The following MAP1LC3B2 variants were observed in gnomAD, a reference collection of about 807,000 sequenced individuals.
The protein encoded by MAP1LC3B2 is microtubule-associated protein 1 light chain 3 beta 2.
For synonymous variants in MAP1LC3B2, 62 were observed against 57.8 expected, an observed-to-expected ratio of 1.07 and a Z score of -0.33; for missense variants, 155 against 154.6, an observed-to-expected ratio of 1.00 and a Z score of -0.01.
At position 116,570,197 on chromosome 12, in the gene MAP1LC3B2, C is replaced by T. The variant is rs543018936; in HGVS notation, c.-101-5645C>T. 2.1e-3 allele frequency among the ~76,000 whole-genome samples: 326 copies of T among 152,248 alleles called. 3 individuals are homozygous for T. The highest frequency in any genetic ancestry group is 0.01 in the Middle Eastern group (3 of 294). On this transcript the variant is annotated intron_variant, in intron 1 of 1. Transcript: ENST00000556529. Reference sequence around the variant, plus strand: ...TTCACAGGGTTGCATACAGATGATCCTCAATTTACAATGGCTCAACTTATA... The same window carrying T: ...TTCACAGGGTTGCATACAGATGATCTTCAATTTACAATGGCTCAACTTATA...
intron 1 of MAP1LC3B2, among the ~76,000 whole-genome samples, chr12:116,566,181 G>C (rs183990409): frequency 7.9e-5 from 12 of 152,310 alleles, no homozygotes; most frequent in African/African-American, 2.9e-4. Flanking sequence ...CTTGCTTGGG[G>C]GTGAAGGGCA....
At chr12:116,570,332 C>T (rs761226778) in intron 1 of MAP1LC3B2, among the ~76,000 whole-genome samples, 1 of 152,214 alleles carries the variant, frequency 6.6e-6, no homozygotes, top group Non-Finnish European at 1.5e-5. Flanking sequence ...ATTCAATAAA[C>T]ATGAGATATT....
At chr12:116,571,988 A>G (rs1592868890) in intron 1 of MAP1LC3B2, among the ~76,000 whole-genome samples, 1 of 150,980 alleles carries the variant, frequency 6.6e-6, no homozygotes, top group Middle Eastern at 3.4e-3. Flanking sequence ...GGTTAGGGAG[A>G]AACTTGTCCT....
In MAP1LC3B2 at chr12:116,575,947, C is replaced by G. The variant is rs748867611; in HGVS notation, c.5C>G (p.Pro2Arg). ...CGCGGCCCAGATCCCCACACCATGC[C>G]GTCGGAGAAGACCTTCAAGCAGCGG... M[P>R]SEKTFKQRRT... The change falls in exon 2 of 2, where the codon CCG (proline) becomes CGG (arginine). Residue 2 changes from proline (P) to arginine (R), a missense_variant. By Grantham distance (103) the Pro-to-Arg change is moderately radical. Coordinates refer to ENST00000556529, the MANE Select transcript of MAP1LC3B2 (RefSeq NM_001085481.3). 6 of 1,614,054 alleles carry G rather than the reference C, an allele frequency of 3.7e-6. No individual in the cohort carries two copies. Among genetic ancestry groups the G allele is most frequent in the South Asian group, 1.1e-5 (1 of 91,090 alleles).
intron 1 of MAP1LC3B2, among the ~76,000 whole-genome samples, chr12:116,571,498 T>TTTTTTTTTTTTTTTTTTTTG (rs1869532950): frequency 8.7e-6 from 1 of 115,238 alleles, no homozygotes; most frequent in African/African-American, 3.5e-5. Context: ...TTTTTTTTTT[T>TTTTTTTTTTTTTTTTTTTTG]GAGACGGAGT....
chr12:116,571,166 T>C (rs1430637735), intron 1 of MAP1LC3B2, among the ~76,000 whole-genome samples: 1 of 152,136 alleles, frequency 6.6e-6, no homozygotes, highest in Non-Finnish European at 1.5e-5. Flanking sequence ...TTCTGAAGAG[T>C]ACACTATGGA....
chr12:116,568,626 G>A (rs1423222960), intron 1 of MAP1LC3B2, among the ~76,000 whole-genome samples: 1 of 152,204 alleles, frequency 6.6e-6, no homozygotes, highest in Non-Finnish European at 1.5e-5. Context: ...GTATTTGGAT[G>A]TGGGGCCTTT....
chr12:116,575,615 A>T (rs1166275300), intron 1 of MAP1LC3B2, among the ~76,000 whole-genome samples: 1 of 152,198 alleles, frequency 6.6e-6, no homozygotes. Context: ...AGTTAAGTTG[A>T]AGGAGTGCTT....
Position 116,576,535 on chromosome 12 carries a change from T to A in MAP1LC3B2, c.*215T>A, listed in dbSNP as rs1869693242. 1 of 554,570 alleles carries A rather than the reference T, an allele frequency of 1.8e-6. No individual in the cohort carries two copies. The highest frequency in any genetic ancestry group is 3.1e-5 in the South Asian group (1 of 32,194). The allele number at this position is 554,570 out of a possible 1,614,324, so 34.4% of individuals were successfully genotyped here. On this transcript the variant is annotated 3_prime_UTR_variant, in exon 2 of 2. Coordinates refer to ENST00000556529, the MANE Select transcript of MAP1LC3B2 (RefSeq NM_001085481.3). Reference sequence around the variant, plus strand: ...CAGCTTTGGAAACTATATTATTTAATGTAGGCTAGCTTGTTTTCAAATTTT... The same window carrying A: ...CAGCTTTGGAAACTATATTATTTAAAGTAGGCTAGCTTGTTTTCAAATTTT...
chr12:116,573,280 A>C (rs1869586504), intron 1 of MAP1LC3B2, among the ~76,000 whole-genome samples: 1 of 152,140 alleles, frequency 6.6e-6, no homozygotes. Flanking sequence ...TCTGTTACTT[A>C]AAATTAGAAA....
At chr12:116,562,788 C>G (rs1403519843) in intron 1 of MAP1LC3B2, among the ~76,000 whole-genome samples, 6 of 152,088 alleles carry the variant, frequency 3.9e-5, no homozygotes, top group African/African-American at 1.5e-4. Flanking sequence ...TGTCTTGATT[C>G]TGGATTGTAA....
At chr12:116,571,458 CTTTTTTTTTTTTTTTTTTTTTTTTTTT>C (rs71095564) in intron 1 of MAP1LC3B2, among the ~76,000 whole-genome samples, 1 of 48,104 alleles carries the variant, frequency 2.1e-5, no homozygotes, top group Non-Finnish European at 3.4e-5. Flanking sequence ...GACTGCTGTT[CTTTTTTTTTTTTTTTTTTTTTTTTTTT>C]TTTTTTTTTT....
intron 1 of MAP1LC3B2, among the ~76,000 whole-genome samples, chr12:116,564,521 G>A (rs892658343): frequency 1.2e-4 from 18 of 152,094 alleles, no homozygotes; most frequent in Non-Finnish European, 1.5e-5. Context: ...TGCCTTGGAT[G>A]TTCAACAAAT....
At chr12:116,572,910 C>T (rs918456345) in intron 1 of MAP1LC3B2, among the ~76,000 whole-genome samples, 12 of 152,138 alleles carry the variant, frequency 7.9e-5, no homozygotes, top group African/African-American at 2.7e-4. Context: ...AGCCTCAATT[C>T]AATTGTGGCG....
rs368959832 is a variant in MAP1LC3B2 at position 116,576,015 on chromosome 12, G to T, written c.73G>T (p.Glu25Ter). Residue 25 changes from glutamate (E) to a stop codon, truncating the protein, a stop_gained, in exon 2 of 2, where the codon GAG becomes TAG. Coordinates refer to ENST00000556529, the MANE Select transcript of MAP1LC3B2 (RefSeq NM_001085481.3). LOFTEE classifies it low-confidence loss of function (END_TRUNC). ...QRVEDVRLIR[E>*]QHPTKIPVII... ...AGTAGAAGATGTCCGACTTATTCGAGAGCAGCATCCAACCAAAATCCCGGT... is the reference window on the plus strand; with the variant it reads ...AGTAGAAGATGTCCGACTTATTCGATAGCAGCATCCAACCAAAATCCCGGT... 1.2e-6 allele frequency: 2 copies of T among 1,614,210 alleles called. No homozygotes were observed. The highest frequency in any genetic ancestry group is 2.7e-5 in the African/African-American group (2 of 75,044).
chr12:116,566,155 T>A (rs1869380367), intron 1 of MAP1LC3B2, among the ~76,000 whole-genome samples: 1 of 152,168 alleles, frequency 6.6e-6, no homozygotes, highest in African/African-American at 2.4e-5. Context: ...TCAAGGAAGA[T>A]TTCCAGAGAA....
chr12:116,572,368 TC>T (rs1869558504), intron 1 of MAP1LC3B2, among the ~76,000 whole-genome samples: 2 of 72,600 alleles, frequency 2.8e-5, no homozygotes, highest in Non-Finnish European at 5.4e-5. Flanking sequence ...ATGCCTCAGT[TC>T]TTTTTTTTTT....
At chr12:116,566,930 CAAAAAAAAAAAAAAAAAAAAAAAAAAAAA>C (rs56405000) in intron 1 of MAP1LC3B2, among the ~76,000 whole-genome samples, 282 of 26,780 alleles carry the variant, frequency 0.011, 10 homozygotes, top group African/African-American at 0.026. Context: ...GACTCTGTCT[CAAAAAAAAAAAAAAAAAAAAAAAAAAAAA>C]AAAAAAAAAA....
intron 1 of MAP1LC3B2, among the ~76,000 whole-genome samples, chr12:116,572,223 C>T (rs1042629153): frequency 6.6e-6 from 1 of 152,160 alleles, no homozygotes; most frequent in South Asian, 2.1e-4. Context: ...GCACGGGCAT[C>T]GTCTATTTGT....
Sources: gnomAD v4.1 joint callset for allele counts (sites outside exome capture counted in the v4.1 genomes callset) on GRCh38, gnomAD v4.1.1 for gene constraint, MANE v1.5 for transcripts, NCBI Gene and HGNC (gene_info 2026-07-23, HGNC 2026-07-21) for gene names.